Variants in SNTG2 observed in about 807,000 individuals in gnomAD.
SNTG2 encodes the protein gamma-2-syntrophin.
A neutral mutation model predicts 70.9 loss-of-function variants in SNTG2; 74 were observed. The observed-to-expected ratio is 1.04, with a 90% confidence interval of 0.86 to 1.27. SNTG2 has a LOEUF of 1.27. SNTG2 is among the 50% of genes most tolerant of loss of function. The pLI is 0.00. For missense variants in SNTG2, 717 were observed against 690.7 expected (o/e 1.04, Z -0.43); for synonymous variants, 278 against 273.8 (o/e 1.02, Z -0.15).
intron 15 of SNTG2, 136 bp from the exon 16 acceptor site, chr2:1,316,129 A>G (rs889091203): frequency 3.5e-5 from 20 of 578,582 alleles, no homozygotes; most frequent in Non-Finnish European, 4.6e-5. Flanking sequence ...CAGACAAATC[A>G]TCACATGCTA....
intron 6 of SNTG2, chr2:1,163,565 A>T (rs1380963609): frequency 6.6e-6 from 1 of 150,656 alleles, no homozygotes; most frequent in African/African-American, 2.4e-5. Flanking sequence ...GCCTCCCAAC[A>T]GCACCTGCGA....
intron 16 of SNTG2, among the ~76,000 whole-genome samples, chr2:1,319,525 G>A (rs937382419): frequency 2.6e-5 from 4 of 152,216 alleles, no homozygotes; most frequent in African/African-American, 9.6e-5. Flanking sequence ...TGGGATGAGA[G>A]GGAGGAACTT....
intron 16 of SNTG2, among the ~76,000 whole-genome samples, chr2:1,328,918 T>C (rs796486789): frequency 6.6e-6 from 1 of 151,610 alleles, no homozygotes; most frequent in African/African-American, 2.4e-5. Flanking sequence ...CATGCACACA[T>C]ACACACGCAC....
intron 14 of SNTG2, among the ~76,000 whole-genome samples, chr2:1,268,243 T>G (rs1292647398): frequency 6.6e-6 from 1 of 152,220 alleles, no homozygotes; most frequent in Non-Finnish European, 1.5e-5. Context: ...GAGCTCTGAC[T>G]TCACACCAAA....
intron 1 of SNTG2, among the ~76,000 whole-genome samples, chr2:968,142 GT>G (rs11435968): frequency 0.078 from 11,867 of 151,242 alleles, 690 homozygotes; most frequent in South Asian, 0.21. Context: ...TATTTCAAGC[GT>G]TTTTTTTTAA....
chr2:1,367,408 G>A lies in SNTG2; in HGVS notation c.1554G>A (p.Val518=), dbSNP rs780710978. 141 of 1,551,572 alleles carry A rather than the reference G, an allele frequency of 9.1e-5. No individual in the cohort carries two copies. The highest frequency in any genetic ancestry group is 1.2e-4 in the Non-Finnish European group (135 of 1,147,006). Residue 518 remains valine, a synonymous_variant, in exon 17 of 17, where the codon GTG becomes GTA. Transcript: ENST00000308624. ...HCIHSFIAAK[V]ASVDPGFMDS... is the part of the protein sequence containing the mutation. ...TCCACTCCTTCATAGCAGCCAAGGT[G>A]GCCTCCGTGGACCCCGGCTTCATGG...
chr2:980,599 C>G (rs1224795090), intron 1 of SNTG2, among the ~76,000 whole-genome samples: 1 of 152,040 alleles, frequency 6.6e-6, no homozygotes, highest in East Asian at 1.9e-4. Flanking sequence ...CATTTTACTA[C>G]CTGATGCTTA....
At chr2:1,328,237 G>T (rs1681838680) in intron 16 of SNTG2, among the ~76,000 whole-genome samples, 1 of 152,148 alleles carries the variant, frequency 6.6e-6, no homozygotes, top group Non-Finnish European at 1.5e-5. Context: ...AGATTTGGGT[G>T]GGGACACAGA....
At chr2:1,248,797 G>T (rs973305163) in intron 12 of SNTG2, among the ~76,000 whole-genome samples, 1 of 152,150 alleles carries the variant, frequency 6.6e-6, no homozygotes, top group Admixed American at 6.5e-5. Context: ...CTGAGGTGTC[G>T]GAGGACTTCC....
intron 6 of SNTG2, chr2:1,160,179 G>A (rs967808694): frequency 6.6e-6 from 1 of 152,084 alleles, no homozygotes; most frequent in African/African-American, 2.4e-5. Flanking sequence ...ACATCTACAC[G>A]TGTGGCTGCT....
At chr2:1,117,660 C>G (rs1255156697) in intron 4 of SNTG2, among the ~76,000 whole-genome samples, 2 of 152,128 alleles carry the variant, frequency 1.3e-5, no homozygotes, top group Non-Finnish European at 2.9e-5. Flanking sequence ...CAACAGCTCC[C>G]TGAAACTGGA....
intron 16 of SNTG2, among the ~76,000 whole-genome samples, chr2:1,327,147 T>C (rs1681795466): frequency 6.6e-6 from 1 of 152,134 alleles, no homozygotes; most frequent in African/African-American, 2.4e-5. Flanking sequence ...TAATGTATAG[T>C]GTAAACCTAA....
At chr2:1,049,612 G>T (rs1012411720) in intron 1 of SNTG2, among the ~76,000 whole-genome samples, 1 of 152,190 alleles carries the variant, frequency 6.6e-6, no homozygotes, top group African/African-American at 2.4e-5. Flanking sequence ...ACATTTCTGT[G>T]CAGGCTTTTG....
Position 1,311,075 on chromosome 2 carries a change from G to A in SNTG2, c.1377+2489G>A, listed in dbSNP as rs545913568. The stretch of plus-strand genomic sequence containing the variant: ...CATGCCGGCGGTCCGGGGGCATCTG[G>A]GCCAGCTCCAGCCCTCTACCCGCTC... On this transcript the variant is annotated intron_variant, in intron 15 of 16. Transcript: ENST00000308624. Among the ~76,000 whole-genome samples the A allele has an allele frequency of 2.0e-5, 3 of 152,276 alleles. No individual in the cohort carries two copies. In the East Asian group the frequency reaches 5.8e-4, roughly 29 times the overall value.
chr2:1,236,846 A>G (rs901192342), intron 9 of SNTG2, among the ~76,000 whole-genome samples: 1 of 152,232 alleles, frequency 6.6e-6, no homozygotes, highest in African/African-American at 2.4e-5. Flanking sequence ...TATTTTTTTA[A>G]AAAAATATGT....
At chr2:1,139,373 A>G (rs1668604137) in intron 6 of SNTG2, among the ~76,000 whole-genome samples, 1 of 152,158 alleles carries the variant, frequency 6.6e-6, no homozygotes, top group Non-Finnish European at 1.5e-5. Context: ...CTGGGATTAT[A>G]GACGCCCACC....
At chr2:1,200,418 G>T (rs1368680702) in intron 8 of SNTG2, among the ~76,000 whole-genome samples, 1 of 151,900 alleles carries the variant, frequency 6.6e-6, no homozygotes, top group African/African-American at 2.4e-5. Context: ...AAAACTACTA[G>T]AAGTAAACAT....
intron 16 of SNTG2, among the ~76,000 whole-genome samples, chr2:1,319,695 A>G (rs888364277): frequency 9.2e-5 from 14 of 152,246 alleles, no homozygotes; most frequent in African/African-American, 3.4e-4. Flanking sequence ...TTCCCACCTT[A>G]TCCCACAGAG....
intron 14 of SNTG2, among the ~76,000 whole-genome samples, chr2:1,302,214 C>T (rs1200810421): frequency 6.6e-6 from 1 of 152,138 alleles, no homozygotes; most frequent in Non-Finnish European, 1.5e-5. Flanking sequence ...CCACCTCAGC[C>T]TCCCAAGGTG....
Sources: allele counts gnomAD v4.1 joint callset (sites outside exome capture counted in the v4.1 genomes callset), GRCh38; gene constraint gnomAD v4.1.1; transcripts MANE v1.5; gene names NCBI Gene and HGNC (gene_info 2026-07-23, HGNC 2026-07-21).